The following LRP1B variants were observed in gnomAD, a reference collection of about 807,000 sequenced individuals.
The protein encoded by LRP1B is low-density lipoprotein receptor-related protein 1B.
Under a neutral mutation model 556.6 loss-of-function variants are expected in LRP1B, and 217 were observed. The ratio of observed to expected loss-of-function variants is 0.39; its 90% CI spans 0.35 to 0.44. The LOEUF is 0.44. LRP1B is among the 20% of genes least tolerant of loss of function. The pLI is 1.00. For missense variants in LRP1B, 5,053 were observed against 5,620.8 expected, an observed-to-expected ratio of 0.90 and a Z score of 3.23; for synonymous variants, 2,047 against 1,865.8, an observed-to-expected ratio of 1.10 and a Z score of -2.50.
chr2:140,567,376 AC>A (rs1681165973), intron 43 of LRP1B, among the ~76,000 whole-genome samples: 5 of 152,124 alleles, frequency 3.3e-5, no homozygotes, highest in Admixed American at 3.3e-4. Context: ...CCAAGTTACC[AC>A]TGAGACCTAT....
chr2:141,382,161 C>T (rs758990583), intron 3 of LRP1B, among the ~76,000 whole-genome samples: 1 of 152,154 alleles, frequency 6.6e-6, no homozygotes, highest in Non-Finnish European at 1.5e-5. Context: ...CATAGCGGCT[C>T]ATCTGCTCAC....
At chr2:141,635,315 A>G (rs1031470092) in intron 2 of LRP1B, among the ~76,000 whole-genome samples, 1 of 152,152 alleles carries the variant, frequency 6.6e-6, no homozygotes, top group Non-Finnish European at 1.5e-5. Context: ...TTAACTAGAG[A>G]TGGAACACAA....
At chr2:140,391,597 T>G (rs1469955697) in intron 66 of LRP1B, among the ~76,000 whole-genome samples, 1 of 152,258 alleles carries the variant, frequency 6.6e-6, no homozygotes, top group East Asian at 1.9e-4. Context: ...AAAATATTGT[T>G]CATTTAGTCC....
At chr2:140,759,761 G>A (rs1354418456) in intron 35 of LRP1B, among the ~76,000 whole-genome samples, 1 of 152,120 alleles carries the variant, frequency 6.6e-6, no homozygotes, top group African/African-American at 2.4e-5. Flanking sequence ...AGCGCGCCTT[G>A]GTGACAAAGA....
chr2:141,367,542 G>A (rs191661047), intron 3 of LRP1B, among the ~76,000 whole-genome samples: 22 of 133,934 alleles, frequency 1.6e-4, no homozygotes, highest in East Asian at 8.7e-4. Flanking sequence ...GAGGGCAGTG[G>A]CAGGATCTCG....
intron 35 of LRP1B, among the ~76,000 whole-genome samples, chr2:140,754,714 T>TG: frequency 6.6e-6 from 1 of 151,666 alleles, no homozygotes; most frequent in Non-Finnish European, 1.5e-5. Flanking sequence ...AATGCCTACA[T>TG]TATACAAGAA....
At position 141,795,899 on chromosome 2, in the gene LRP1B, T is replaced by A. The variant is rs201310929; in HGVS notation, c.205+14380A>T. 5.7e-3 allele frequency among the ~76,000 whole-genome samples: 437 copies of A among 76,760 alleles called. 2 individuals carry two copies. The highest frequency in any genetic ancestry group is 0.031 in the East Asian group (51 of 1,662). 50.4% of individuals were successfully genotyped at this position (76,760 alleles called of 152,430 possible). A position where few individuals can be genotyped will look rare whatever the true frequency, so the allele number is the denominator to read the frequency against. On this transcript the variant is annotated intron_variant, in intron 2 of 90. Coordinates refer to ENST00000389484, the MANE Select transcript of LRP1B (RefSeq NM_018557.3). The stretch of plus-strand genomic sequence containing the variant: ...ATATATATATATATATATATATATA[T>A]AATCTTTAAGCAAAATTTAACATGA...
At chr2:140,567,054 A>G (rs1681154305) in intron 43 of LRP1B, among the ~76,000 whole-genome samples, 1 of 152,148 alleles carries the variant, frequency 6.6e-6, no homozygotes, top group Non-Finnish European at 1.5e-5. Context: ...GAGCTGCTAT[A>G]GTACCCCACA....
At chr2:141,371,340 G>T (rs1470714921) in intron 3 of LRP1B, among the ~76,000 whole-genome samples, 1 of 152,020 alleles carries the variant, frequency 6.6e-6, no homozygotes, top group Non-Finnish European at 1.5e-5. Flanking sequence ...TTTGATTAGG[G>T]TTGTTTGGCT....
intron 2 of LRP1B, among the ~76,000 whole-genome samples, chr2:141,747,591 A>G (rs1693960624): frequency 6.6e-6 from 1 of 152,276 alleles, no homozygotes; most frequent in African/African-American, 2.4e-5. Context: ...GTGCTATGAT[A>G]TCCCGACTGT....
At chr2:140,644,373 GC>G (rs1684404273) in intron 41 of LRP1B, among the ~76,000 whole-genome samples, 1 of 151,026 alleles carries the variant, frequency 6.6e-6, no homozygotes, top group Admixed American at 6.6e-5. Flanking sequence ...ACACATAATA[GC>G]ATCAATCATT....
intron 3 of LRP1B, among the ~76,000 whole-genome samples, chr2:141,380,226 A>G (rs78858346): frequency 2.9e-5 from 2 of 68,208 alleles, no homozygotes; most frequent in East Asian, 2.3e-3. Context: ...GCTCCAGGAG[A>G]AAAAAAAAAA....
Position 142,091,008 on chromosome 2 carries a change from T to C in LRP1B, c.82+39640A>G, listed in dbSNP as rs140865588. On this transcript the variant is annotated intron_variant, in intron 1 of 90. Transcript: ENST00000389484. The stretch of plus-strand genomic sequence containing the variant: ...TGTACAGAAGGCCAAAAATTCCATA[T>C]GGATTTCTTTGAAAATTTCTCTCAT... 2.3e-3 allele frequency among the ~76,000 whole-genome samples: 356 copies of C among 152,262 alleles called. 6 individuals carry two copies. Among genetic ancestry groups the C allele is most frequent in the Admixed American group, 0.023 (349 of 15,294 alleles).
rs182971651 is a variant in LRP1B, at chr2:140,821,521, T to C, written c.5210-7715A>G. 2.6e-4 allele frequency among the ~76,000 whole-genome samples: 40 copies of C among 152,300 alleles called. No homozygotes were observed. In the East Asian group the frequency reaches 7.5e-3, roughly 29 times the overall value. ...GCATAATATTGAACAAGGAAACATA[T>C]CCAAGACTTTTTTAAAAAATTTACT... On this transcript the variant is annotated intron_variant, in intron 31 of 90. Transcript: ENST00000389484.
chr2:140,495,830 A>G (rs1373451541), intron 55 of LRP1B, 82 bp from the exon 56 acceptor site: 14 of 1,174,476 alleles, frequency 1.2e-5, no homozygotes, highest in Non-Finnish European at 1.7e-5. Flanking sequence ...GCATTAAGCA[A>G]GAAAAGCATT....
intron 3 of LRP1B, among the ~76,000 whole-genome samples, chr2:141,255,897 T>C (rs1684443393): frequency 6.6e-6 from 1 of 151,948 alleles, no homozygotes; most frequent in Non-Finnish European, 1.5e-5. Context: ...TTTATGTTCA[T>C]AGAATCAGTT....
chr2:140,593,543 C>T (rs916892550), intron 43 of LRP1B, among the ~76,000 whole-genome samples: 3 of 152,032 alleles, frequency 2.0e-5, no homozygotes, highest in Non-Finnish European at 4.4e-5. Context: ...ATTCAGTTTC[C>T]TATCACTGAA....
rs369811494 is a variant in LRP1B, at chr2:140,505,719, G to A, written c.8521+1077C>T. 7.6e-4 allele frequency among the ~76,000 whole-genome samples: 115 copies of A among 152,240 alleles called. 1 individual carries two copies. In the South Asian group the frequency reaches 0.023, roughly 30 times the overall value. On this transcript the variant is annotated intron_variant, in intron 53 of 90. Transcript: ENST00000389484. ...TCACGCTGAAATAATCATAAAAACT[G>A]ATATCCACTAATTTCAGTGAGATTC...
At chr2:141,295,340 A>G (rs906965181) in intron 3 of LRP1B, among the ~76,000 whole-genome samples, 1 of 152,064 alleles carries the variant, frequency 6.6e-6, no homozygotes, top group African/African-American at 2.4e-5. Flanking sequence ...TTTTGTTTTC[A>G]TGTTTTCTTA....
Sources: allele counts gnomAD v4.1 joint callset (sites outside exome capture counted in the v4.1 genomes callset), GRCh38; gene constraint gnomAD v4.1.1; transcripts MANE v1.5; gene names NCBI Gene and HGNC (gene_info 2026-07-23, HGNC 2026-07-21).